Variants in LRP1 observed in about 807,000 individuals in gnomAD.
The protein encoded by LRP1 is LDL receptor related protein 1, also known as prolow-density lipoprotein receptor-related protein 1.
In LRP1, 51 loss-of-function variants were observed where a neutral mutation model predicts 541.5. The ratio of observed to expected loss-of-function variants is 0.09; its 90% CI spans 0.08 to 0.12. The LOEUF (loss-of-function observed/expected upper bound fraction) is 0.12, where lower values mean the gene tolerates loss of function less well. LRP1 is among the 10% of genes least tolerant of loss of function. The probability of loss-of-function intolerance (pLI) is 1.00; values close to 1 mark genes in which losing one functional copy is unlikely to be tolerated. For missense variants in LRP1, 3,878 were observed against 6,376.2 expected (o/e 0.61, Z 13.34); for synonymous variants, 2,219 against 2,470.8 (o/e 0.90, Z 3.02).
chr12:57,176,990 A>G, intron 24 of LRP1, 51 bp from the exon 25 acceptor site: 1 of 1,519,748 alleles, frequency 6.6e-7, no homozygotes, highest in East Asian at 2.3e-5. Flanking sequence ...TCACACATTC[A>G]TGCACAGCTC....
chr12:57,136,799 C>A (rs889348727), intron 1 of LRP1, among the ~76,000 whole-genome samples: 8 of 152,150 alleles, frequency 5.3e-5, no homozygotes, highest in Non-Finnish European at 7.3e-5. Context: ...CTATTTGACC[C>A]TGGCCAAGTC....
Position 57,165,601 on chromosome 12 carries a change from A to G in LRP1, c.2531-204A>G, listed in dbSNP as rs984421016. The G allele has an allele frequency of 1.7e-6, 1 of 582,334 alleles. No individual in the cohort carries two copies. Among genetic ancestry groups the G allele is most frequent in the South Asian group, 2.1e-5 (1 of 47,082 alleles). The allele number at this position is 582,334 out of a possible 1,614,324, so 36.1% of individuals were successfully genotyped here. On this transcript the variant is annotated intron_variant, in intron 15 of 88. Transcript: ENST00000243077. The surrounding 1 kb of genome is among the most constrained non-coding windows in gnomAD (Gnocchi z 4.5). ...TCACACTGAAGTACAGTAAGCATTA[A>G]GTAGAGTAAACATCACTATTGTTGC...
chr12:57,129,093 C>A, intron 1 of LRP1, 62 bp downstream of exon 1: 1 of 1,476,678 alleles, frequency 6.8e-7, no homozygotes, highest in Non-Finnish European at 9.3e-7. Context: ...GCCCCCACTC[C>A]TGCATACGGA....
Position 57,154,870 on chromosome 12 carries a change from C to A in LRP1, c.1227+169C>A. The stretch of plus-strand genomic sequence containing the variant: ...GGGCTTGAATACTGCAGAGAAAGGA[C>A]AAGATACGGGTTCCACTGTGATGGG... On this transcript the variant is annotated intron_variant, in intron 8 of 88. Transcript: ENST00000243077. This position sits in a 1 kb window ranked among gnomAD's most constrained non-coding sequence, Gnocchi z 4.6. The A allele has an allele frequency of 1.5e-6, 1 of 655,626 alleles. No homozygotes were observed. Among genetic ancestry groups the A allele is most frequent in the South Asian group, 1.7e-5 (1 of 57,992 alleles). The allele number at this position is 655,626 out of a possible 1,614,324, so 40.6% of individuals were successfully genotyped here. A position where few individuals can be genotyped will look rare whatever the true frequency, so the allele number is the denominator to read the frequency against.
Position 57,204,239 on chromosome 12 carries a change from C to A in LRP1, c.10952-171C>A, listed in dbSNP as rs532050211. On this transcript the variant is annotated intron_variant, in intron 70 of 88. Coordinates refer to ENST00000243077, the MANE Select transcript of LRP1 (RefSeq NM_002332.3). The surrounding 1 kb of genome is among the most constrained non-coding windows in gnomAD (Gnocchi z 5.3). ...AAAATGGCCTCTTCTCCCCTAAATA[C>A]CAGAGGGGGCAGTTTGGCCCCACCA... The A allele has an allele frequency of 4.9e-4, 353 of 721,124 alleles. No individual in the cohort carries two copies. The African/African-American group carries it at 5.9e-3, about 12-fold the overall frequency. 44.7% of individuals were successfully genotyped at this position (721,124 alleles called of 1,614,324 possible).
intron 3 of LRP1, among the ~76,000 whole-genome samples, chr12:57,143,381 CA>C (rs945109571): frequency 2.5e-4 from 38 of 152,230 alleles, no homozygotes; most frequent in African/African-American, 9.2e-4. Context: ...TTGACCCCAA[CA>C]AAGTGCCAGA....
At chr12:57,167,767 A>G (rs2035868857) in intron 19 of LRP1, among the ~76,000 whole-genome samples, 1 of 152,160 alleles carries the variant, frequency 6.6e-6, no homozygotes, top group Non-Finnish European at 1.5e-5. Flanking sequence ...TGAGCTGCCC[A>G]CCCTCTAGTA....
Position 57,142,807 on chromosome 12 carries a change from C to G in LRP1, c.329-872C>G, listed in dbSNP as rs1034626135. On this transcript the variant is annotated intron_variant, in intron 3 of 88. Coordinates refer to ENST00000243077, the MANE Select transcript of LRP1 (RefSeq NM_002332.3). ...CTGGGCAGGCAGCATGAATGGCTCT[C>G]GGGTGGAAGTGGGGAGGAGAAAGAA... Among the ~76,000 whole-genome samples, 30 of 152,144 alleles carry G rather than the reference C, an allele frequency of 2.0e-4. 1 individual carries two copies. The highest frequency in any genetic ancestry group is 6.5e-5 in the Admixed American group (1 of 15,284).
chr12:57,149,610 G>A (rs1379266168), intron 6 of LRP1: 1 of 704,444 alleles, frequency 1.4e-6, no homozygotes, highest in Non-Finnish European at 2.6e-6. Context: ...GATCTAGGTC[G>A]AAATGCCTCT....
In LRP1 at chr12:57,181,557, G is replaced by A. The variant is rs143044815; in HGVS notation, c.5662+266G>A. 3.9e-5 allele frequency among the ~76,000 whole-genome samples: 6 copies of A among 152,312 alleles called. No individual in the cohort carries two copies. The East Asian group carries it at 1.2e-3, about 29-fold the overall frequency. On this transcript the variant is annotated intron_variant, in intron 34 of 88. Transcript: ENST00000243077. ...AGGACAAGTAGGATTTGGATGCATT[G>A]TTCAAAGGAGAGGGAACTATACACA...
Position 57,206,451 on chromosome 12 carries a change from C to T in LRP1, c.11591-22C>T, listed in dbSNP as rs745735442. The T allele has an allele frequency of 1.9e-6, 3 of 1,612,498 alleles. No individual in the cohort carries two copies. Among genetic ancestry groups the T allele is most frequent in the Non-Finnish European group, 2.5e-6 (3 of 1,179,226 alleles). On this transcript the variant is annotated intron_variant, in intron 75 of 88. Transcript: ENST00000243077. The surrounding 1 kb of genome is among the most constrained non-coding windows in gnomAD (Gnocchi z 4.7). Reference sequence around the variant, plus strand: ...GCACACCTGCATCCCACAGCCCCAGCCCTGGCCTCTTGCTTCTCCAGGCTC... The same window carrying T: ...GCACACCTGCATCCCACAGCCCCAGTCCTGGCCTCTTGCTTCTCCAGGCTC...
Position 57,193,549 on chromosome 12 carries a change from T to C in LRP1, c.7685-17T>C. 1 of 1,612,344 alleles carries C rather than the reference T, an allele frequency of 6.2e-7. No individual in the cohort carries two copies. The highest frequency in any genetic ancestry group is 8.5e-7 in the Non-Finnish European group (1 of 1,179,048). On this transcript the variant is annotated splice_polypyrimidine_tract_variant and intron_variant, in intron 46 of 88. Transcript: ENST00000243077. Reference sequence around the variant, plus strand: ...CTGTGCCTGTGGCTGACACGCAGCCTACTCCTCCATTTGCAGACTCCCGCC... The same window carrying C: ...CTGTGCCTGTGGCTGACACGCAGCCCACTCCTCCATTTGCAGACTCCCGCC...
At chr12:57,141,312 A>G in intron 2 of LRP1, 62 bp from the exon 3 acceptor site, 2 of 1,602,534 alleles carry the variant, frequency 1.2e-6, no homozygotes, top group Non-Finnish European at 1.7e-6. Flanking sequence ...TCCCCAGTGA[A>G]CAGCTGACCA....
intron 11 of LRP1, among the ~76,000 whole-genome samples, chr12:57,159,047 G>C (rs1157908076): frequency 6.6e-6 from 1 of 152,222 alleles, no homozygotes; most frequent in Non-Finnish European, 1.5e-5. Flanking sequence ...GCCAAAAACT[G>C]CATGCTAATG....
chr12:57,182,593 G>T (rs1029506807), intron 34 of LRP1, among the ~76,000 whole-genome samples: 3 of 151,566 alleles, frequency 2.0e-5, no homozygotes, highest in South Asian at 4.2e-4. Context: ...AAAGAGGGCG[G>T]ATTACCTTGA....
intron 12 of LRP1, 104 bp downstream of exon 12, chr12:57,160,109 G>A (rs1419886705): frequency 3.4e-6 from 4 of 1,164,220 alleles, no homozygotes; most frequent in Non-Finnish European, 4.9e-6. Context: ...AGGTGAGGCG[G>A]GATACTTTAG....
intron 6 of LRP1, among the ~76,000 whole-genome samples, chr12:57,147,962 C>T (rs901476127): frequency 2.0e-5 from 3 of 152,166 alleles, no homozygotes; most frequent in Non-Finnish European, 4.4e-5. Context: ...AGATTACCTC[C>T]CCCTCCCCTC....
In LRP1 at chr12:57,185,056, T is replaced by A. The variant is rs2036241460; in HGVS notation, c.6339-25T>A. The A allele has an allele frequency of 1.2e-6, 2 of 1,614,004 alleles. No homozygotes were observed. Among genetic ancestry groups the A allele is most frequent in the Admixed American group, 3.3e-5 (2 of 60,004 alleles). ...TTCCCTCCTGCCTCCACTGATGCCC[T>A]GCTTGTGCCCTGTCCTTCCCTCAGG... is the stretch of plus-strand genomic sequence containing the variant. On this transcript the variant is annotated intron_variant, in intron 39 of 88. Coordinates refer to ENST00000243077, the MANE Select transcript of LRP1 (RefSeq NM_002332.3). This position sits in a 1 kb window ranked among gnomAD's most constrained non-coding sequence, Gnocchi z 4.9.
intron 77 of LRP1, 133 bp from the exon 78 acceptor site, chr12:57,208,578 C>T (rs2036837771): frequency 3.2e-6 from 2 of 620,250 alleles, no homozygotes; most frequent in South Asian, 3.9e-5. Context: ...GCCTGCTTCT[C>T]TGTAGAAGGA....
Sources: allele counts gnomAD v4.1 joint callset (sites outside exome capture counted in the v4.1 genomes callset), GRCh38; gene constraint gnomAD v4.1.1; non-coding constraint Gnocchi (gnomAD v3.1); transcripts MANE v1.5; gene names NCBI Gene and HGNC (gene_info 2026-07-23, HGNC 2026-07-21).